NUMA1: variants seen among roughly 807,000 people sequenced by gnomAD.
NUMA1 encodes SP-H antigen.
Under a neutral mutation model 237.1 loss-of-function variants are expected in NUMA1, and 62 were observed. The observed-to-expected ratio is 0.26, with a 90% CI of 0.21 to 0.32. The LOEUF is 0.32. Ranked by LOEUF, NUMA1 falls within the 10% of genes least tolerant of loss-of-function variation. NUMA1 has a pLI of 1.00. For missense variants in NUMA1, 2,533 were observed against 2,666.5 expected (o/e 0.95, Z 1.10); for synonymous variants, 1,028 against 1,066.1 (o/e 0.96, Z 0.70).
In NUMA1 at chr11:72,003,314, T is replaced by C. The variant is rs1305047898; in HGVS notation, c.*213A>G. On this transcript the variant is annotated 3_prime_UTR_variant, in exon 27 of 27. Transcript: ENST00000393695. The stretch of plus-strand genomic sequence containing the variant: ...GGCAAGGTAGGGAGAGCGCCCACAC[T>C]GTCCATGCTCCAGGCCCCCTGGGCC... 4 of 592,502 alleles carry C rather than the reference T, an allele frequency of 6.8e-6. No individual in the cohort carries two copies. Among genetic ancestry groups the C allele is most frequent in the East Asian group, 2.8e-5 (1 of 35,404 alleles). The allele number at this position is 592,502 out of a possible 1,614,324, so 36.7% of individuals were successfully genotyped here. A position where few individuals can be genotyped will look rare whatever the true frequency, so the allele number is the denominator to read the frequency against.
intron 2 of NUMA1, among the ~76,000 whole-genome samples, chr11:72,039,294 T>G (rs1941399822): frequency 6.6e-6 from 1 of 152,214 alleles, no homozygotes; most frequent in Non-Finnish European, 1.5e-5. Flanking sequence ...AAGCTTCAGT[T>G]TTAAGTACAG....
chr11:72,057,710 C>A (rs1416579817), intron 2 of NUMA1, among the ~76,000 whole-genome samples: 1 of 145,914 alleles, frequency 6.9e-6, no homozygotes, highest in Non-Finnish European at 1.5e-5. Context: ...CACCACTGTA[C>A]TCCAGCCTAA....
At chr11:72,035,767 T>G in intron 3 of NUMA1, 135 bp downstream of exon 3, 2 of 797,716 alleles carry the variant, frequency 2.5e-6, no homozygotes, top group South Asian at 1.5e-5. Flanking sequence ...TGCATTTCCA[T>G]GCTGTCTAAA....
chr11:72,044,817 G>A lies in NUMA1; in HGVS notation c.-32-8842C>T, dbSNP rs1319690328. Among the ~76,000 whole-genome samples the A allele has an allele frequency of 3.3e-5, 5 of 151,964 alleles. No homozygotes were observed. In the East Asian group the frequency reaches 9.7e-4, roughly 30 times the overall value. On this transcript the variant is annotated intron_variant, in intron 2 of 26. Transcript: ENST00000393695. ...CAAGTAGCTGAGATTACAGGCACCTGCCACCATGCCCAGCTGATTTTTTTA... is the reference window on the plus strand; with the variant it reads ...CAAGTAGCTGAGATTACAGGCACCTACCACCATGCCCAGCTGATTTTTTTA...
intron 3 of NUMA1, 132 bp downstream of exon 3, chr11:72,035,770 T>C: frequency 1.2e-6 from 1 of 809,262 alleles, no homozygotes; most frequent in Non-Finnish European, 2.1e-6. Flanking sequence ...ATTTCCATGC[T>C]GTCTAAAGGA....
In NUMA1 at chr11:72,004,028, C is replaced by T. The variant is rs138403313; in HGVS notation, c.6195G>A (p.Arg2065=). The change falls in exon 26 of 27, where the codon CGG becomes CGA. Residue 2065 remains arginine, a synonymous_variant. Transcript: ENST00000393695. ...TPKKLGNSLL[R]RGASKKALSK... Reference sequence around the variant, plus strand: ...ACAGGGCCTTCTTTGAGGCTCCCCGCCGCAGAAGGCTGTTCCCTAGCTTCT... The same window carrying T: ...ACAGGGCCTTCTTTGAGGCTCCCCGTCGCAGAAGGCTGTTCCCTAGCTTCT... 44 of 1,613,508 alleles carry T rather than the reference C, an allele frequency of 2.7e-5. No homozygotes were observed. In the African/African-American group the frequency reaches 5.1e-4, roughly 19 times the overall value.
At chr11:72,016,661 G>C (rs572355504) in intron 13 of NUMA1, 131 bp from the exon 14 acceptor site, 1 of 1,142,250 alleles carries the variant, frequency 8.8e-7, no homozygotes, top group East Asian at 2.4e-5. Flanking sequence ...CCCTGGCCTA[G>C]AAAAAAGCAG....
intron 20 of NUMA1, 64 bp downstream of exon 20, chr11:72,008,624 G>A (rs1489007181): frequency 6.6e-7 from 1 of 1,519,456 alleles, no homozygotes; most frequent in African/African-American, 1.4e-5. Context: ...ATCTCACTAG[G>A]ATACAGCCTG....
At position 72,015,782 on chromosome 11, in the gene NUMA1, T is replaced by C. The variant is rs1189278075; in HGVS notation, c.1721A>G (p.Gln574Arg). Residue 574 changes from glutamine to arginine, a missense_variant, in exon 15 of 27, where the codon CAG becomes CGG. Physicochemically the swap from Gln to Arg is conservative, Grantham distance 43. This residue lies in a region of NUMA1 where 1,414 missense variants were observed against 1,508.1 expected (regional missense o/e 0.94). Coordinates refer to ENST00000393695, the MANE Select transcript of NUMA1 (RefSeq NM_006185.4). This position sits in a 1 kb window ranked among gnomAD's most constrained non-coding sequence, Gnocchi z 4.0. ...EQQLKEVAEK[Q>R]EATRQDHAQQ... ...GGCATGGTCCTGCCTAGTTGCCTCCTGCTTCTCCGCTACCTCCTTCAACTG... is the reference window on the plus strand; with the variant it reads ...GGCATGGTCCTGCCTAGTTGCCTCCCGCTTCTCCGCTACCTCCTTCAACTG... 1 of 1,614,118 alleles carries C rather than the reference T, an allele frequency of 6.2e-7. No individual in the cohort carries two copies. The highest frequency in any genetic ancestry group is 8.5e-7 in the Non-Finnish European group (1 of 1,180,046).
chr11:72,073,069 G>A (rs1165941511), intron 1 of NUMA1, among the ~76,000 whole-genome samples: 133 of 29,328 alleles, frequency 4.5e-3, no homozygotes, highest in Middle Eastern at 0.031. Flanking sequence ...AAAAAAAAAA[G>A]CTGCCTAGGC....
In NUMA1 at chr11:72,005,215, A is replaced by G. The variant is rs758550791; in HGVS notation, c.5829+18T>C. The G allele has an allele frequency of 1.3e-6, 2 of 1,575,112 alleles. No homozygotes were observed. The highest frequency in any genetic ancestry group is 3.8e-5 in the Admixed American group (2 of 52,160). On this transcript the variant is annotated intron_variant, in intron 23 of 26. Coordinates refer to ENST00000393695, the MANE Select transcript of NUMA1 (RefSeq NM_006185.4). ...AGGGCAGGGATGGGAGGCCCTGCACAGTGACCCCAGGCCTCACCCTGGACT... is the reference window on the plus strand; with the variant it reads ...AGGGCAGGGATGGGAGGCCCTGCACGGTGACCCCAGGCCTCACCCTGGACT...
At chr11:72,054,176 G>T (rs1942511553) in intron 2 of NUMA1, among the ~76,000 whole-genome samples, 1 of 152,148 alleles carries the variant, frequency 6.6e-6, no homozygotes, top group South Asian at 2.1e-4. Context: ...AGATAAGAAT[G>T]TAAGAGTGGC....
chr11:72,079,625 C>A (rs1247442447), intron 1 of NUMA1, among the ~76,000 whole-genome samples: 1 of 151,966 alleles, frequency 6.6e-6, no homozygotes, highest in Non-Finnish European at 1.5e-5. Context: ...AGTGGGCTCC[C>A]GCCCACCCAC....
chr11:72,036,495 ATAAT>A (rs1297408644), intron 2 of NUMA1, among the ~76,000 whole-genome samples: 1 of 152,260 alleles, frequency 6.6e-6, no homozygotes, highest in East Asian at 1.9e-4. Flanking sequence ...TTGTCAATAA[ATAAT>A]TACTGTTCTT....
At chr11:72,005,136 C>T (rs1955600772) in intron 23 of NUMA1, 97 bp downstream of exon 23, 1 of 1,343,478 alleles carries the variant, frequency 7.4e-7, no homozygotes, top group African/African-American at 1.5e-5. Flanking sequence ...CTCGGCCAGT[C>T]AGTGATCCAG....
rs775485892 is a variant in NUMA1 at position 72,015,505 on chromosome 11, C to A, written c.1998G>T (p.Gln666His). 6.2e-7 allele frequency: 1 copy of A among 1,613,272 alleles called. No homozygotes were observed. Among genetic ancestry groups the A allele is most frequent in the Non-Finnish European group, 8.5e-7 (1 of 1,180,030 alleles). The stretch of plus-strand genomic sequence containing the variant: ...CTGCAACCTGGGCCTGGGCCTCATG[C>A]TGTTCCTGGCGGGCTGTCTCAACAC... ...QACVETARQE[Q>H]HEAQAQVAEL... Residue 666 changes from glutamine to histidine, a missense_variant, in exon 15 of 27, where the codon CAG becomes CAT. By Grantham distance (24) the Gln-to-His change is conservative (BLOSUM62 0). Coordinates refer to ENST00000393695, the MANE Select transcript of NUMA1 (RefSeq NM_006185.4). This position sits in a 1 kb window ranked among gnomAD's most constrained non-coding sequence, Gnocchi z 4.0.
At chr11:72,060,586 T>C (rs1942886850) in intron 2 of NUMA1, among the ~76,000 whole-genome samples, 1 of 151,722 alleles carries the variant, frequency 6.6e-6, no homozygotes, top group Admixed American at 6.6e-5. Context: ...AAGGCCGTGG[T>C]GAACTGCCAT....
chr11:72,065,705 T>C (rs1943168197), intron 2 of NUMA1: 1 of 152,204 alleles, frequency 6.6e-6, no homozygotes, highest in Non-Finnish European at 1.5e-5. Context: ...TGCCCTATAA[T>C]GAAAAGCCTG....
At chr11:72,079,606 C>A (rs1027700873) in intron 1 of NUMA1, among the ~76,000 whole-genome samples, 7 of 152,086 alleles carry the variant, frequency 4.6e-5, no homozygotes, top group African/African-American at 1.4e-4. Context: ...GAGGCGGCAG[C>A]ATCAACCCAG....
Sources: gnomAD v4.1 joint callset for allele counts (sites outside exome capture counted in the v4.1 genomes callset) on GRCh38, gnomAD v4.1.1 for gene constraint, gnomAD v4.1.1 regional missense constraint, Gnocchi (gnomAD v3.1) non-coding constraint, MANE v1.5 for transcripts, NCBI Gene and HGNC (gene_info 2026-07-23, HGNC 2026-07-21) for gene names.